The following TXLNB variants were observed in gnomAD, a reference collection of about 807,000 sequenced individuals.
The protein encoded by TXLNB is taxilin beta.
In TXLNB, 37 loss-of-function variants were observed where a neutral mutation model predicts 57.4. The observed-to-expected ratio is 0.64, with a 90% CI of 0.50 to 0.85. The LOEUF (loss-of-function observed/expected upper bound fraction) is 0.85. Ranked by LOEUF, TXLNB falls within the 40% of genes least tolerant of loss-of-function variation. TXLNB has a pLI of 0.00. For missense variants in TXLNB, 848 were observed against 825.6 expected (o/e 1.03, Z -0.33); for synonymous variants, 302 against 309.6 (o/e 0.98, Z 0.26).
At chr6:139,297,011 C>G in the TXLNB span, among the ~76,000 whole-genome samples, 10 of 152,242 alleles carry the variant, frequency 6.6e-5, no homozygotes, top group East Asian at 1.9e-3. Flanking sequence ...CCTCAAATTC[C>G]TTAGTCTTTC....
At chr6:139,198,970 C>CATT in the TXLNB span, among the ~76,000 whole-genome samples, 610 of 144,868 alleles carry the variant, frequency 4.2e-3, 3 homozygotes, top group African/African-American at 0.015. Context: ...TTTCTTTCTT[C>CATT]CTTTTTTTTT....
intron 8 of TXLNB, 100 bp from the exon 9 acceptor site, chr6:139,244,790 C>A: frequency 4.0e-6 from 3 of 756,926 alleles, no homozygotes; most frequent in Non-Finnish European, 6.9e-6. Flanking sequence ...CTTTTGTTAC[C>A]AGATGCTGAA....
At chr6:139,167,826 C>A in the TXLNB span, among the ~76,000 whole-genome samples, 1 of 152,146 alleles carries the variant, frequency 6.6e-6, no homozygotes, top group Non-Finnish European at 1.5e-5. Context: ...AAAGCTCAGA[C>A]ATTAGCCCGG....
At chr6:139,285,770 C>T (rs1777158456) in intron 2 of TXLNB, among the ~76,000 whole-genome samples, 1 of 145,162 alleles carries the variant, frequency 6.9e-6, no homozygotes, top group Non-Finnish European at 1.5e-5. Flanking sequence ...ATGTTTGACT[C>T]CTCCATACCA....
the TXLNB span, chr6:139,203,755 G>T: frequency 6.6e-6 from 1 of 152,244 alleles, no homozygotes; most frequent in East Asian, 1.9e-4. Flanking sequence ...AGCTAAATGT[G>T]GTTGACAGAC....
chr6:139,316,895 GC>G, the TXLNB span, among the ~76,000 whole-genome samples: 1 of 152,194 alleles, frequency 6.6e-6, no homozygotes, highest in African/African-American at 2.4e-5. Context: ...GGCTCACAAG[GC>G]TGGGGAGGCA....
chr6:139,176,215 C>CT, the TXLNB span, among the ~76,000 whole-genome samples: 1 of 152,204 alleles, frequency 6.6e-6, no homozygotes, highest in Non-Finnish European at 1.5e-5. The surrounding 1 kb of genome is among the most constrained non-coding windows in gnomAD (Gnocchi z 4.5). Flanking sequence ...TAACCATGGT[C>CT]TTTGGCATGG....
the TXLNB span, among the ~76,000 whole-genome samples, chr6:139,205,268 C>T: frequency 6.6e-6 from 1 of 152,202 alleles, no homozygotes; most frequent in Non-Finnish European, 1.5e-5. Flanking sequence ...ACTGGGATTA[C>T]AGGCATGCAC....
the TXLNB span, among the ~76,000 whole-genome samples, chr6:139,227,364 A>T: frequency 2.6e-5 from 4 of 152,084 alleles, no homozygotes; most frequent in East Asian, 7.7e-4. Context: ...AAACAAAAAA[A>T]AAAACGACAG....
downstream of TXLNB, chr6:139,239,074 G>A (rs1775869232): frequency 6.6e-6 from 1 of 152,250 alleles, no homozygotes; most frequent in Non-Finnish European, 1.5e-5. This position sits in a 1 kb window ranked among gnomAD's most constrained non-coding sequence, Gnocchi z 4.7. Flanking sequence ...CAGTCTTACA[G>A]GCAGGTCTTA....
In TXLNB at chr6:139,243,021, G is replaced by A. The variant is rs200959785; in HGVS notation, c.1560C>T (p.Ser520=). The change falls in exon 10 of 10, where the codon TCC becomes TCT. Residue 520 remains serine (S), a synonymous_variant. Transcript: ENST00000358430. The part of the protein sequence containing the change: ...IHHPESTPHQ[S]KETQPEIGSS... ...TGCCTATTTCGGGTTGGGTTTCTTT[G>A]GACTGGTGCGGGGTTGACTCTGGAT... The A allele has an allele frequency of 2.5e-6, 4 of 1,614,138 alleles. No homozygotes were observed. In the South Asian group the frequency reaches 4.4e-5, roughly 18 times the overall value.
chr6:139,239,069 T>G (rs1775869130), downstream of TXLNB: 1 of 152,250 alleles, frequency 6.6e-6, no homozygotes, highest in Admixed American at 6.5e-5. This position sits in a 1 kb window ranked among gnomAD's most constrained non-coding sequence, Gnocchi z 4.7. Flanking sequence ...AAAATCAGTC[T>G]TACAGGCAGG....
the TXLNB span, among the ~76,000 whole-genome samples, chr6:139,169,231 AT>A: frequency 6.6e-6 from 1 of 151,516 alleles, no homozygotes. Flanking sequence ...CCCTTAGATT[AT>A]TTTTTTTGTT....
At position 139,288,552 on chromosome 6, in the gene TXLNB, A is replaced by G. The variant is rs748645789; in HGVS notation, c.348T>C (p.Ser116=). 4 of 1,614,054 alleles carry G rather than the reference A, an allele frequency of 2.5e-6. No individual in the cohort carries two copies. The change falls in exon 2 of 10, where the codon TCT becomes TCC. Residue 116 remains serine (S), a synonymous_variant. Transcript: ENST00000358430. ...TEEAGREPVA[S]GEPPTVKEPV... ...GCTCTTTGACAGTGGGTGGCTCTCC[A>G]GAAGCAACGGGTTCTCTTCCAGCCT...
At chr6:139,280,743 C>G (rs1381116861) in intron 2 of TXLNB, among the ~76,000 whole-genome samples, 1 of 152,180 alleles carries the variant, frequency 6.6e-6, no homozygotes, top group East Asian at 1.9e-4. Flanking sequence ...CTCTAACCAC[C>G]TTCCTGATTT....
chr6:139,250,757 G>A (rs1328249894), intron 7 of TXLNB, among the ~76,000 whole-genome samples: 1 of 152,158 alleles, frequency 6.6e-6, no homozygotes, highest in Non-Finnish European at 1.5e-5. Context: ...AGACGGGGCA[G>A]GAGTGAGCAC....
chr6:139,161,210 C>T, the TXLNB span, among the ~76,000 whole-genome samples: 5 of 152,150 alleles, frequency 3.3e-5, no homozygotes, highest in African/African-American at 1.2e-4. Context: ...CCCCATTTTG[C>T]CTGTCTCCCT....
the TXLNB span, among the ~76,000 whole-genome samples, chr6:139,216,098 A>C: frequency 6.6e-6 from 1 of 152,290 alleles, no homozygotes; most frequent in African/African-American, 2.4e-5. Flanking sequence ...TAGAAATATC[A>C]TTTGACCCAG....
chr6:139,243,793 T>C (rs775847550), intron 9 of TXLNB, among the ~76,000 whole-genome samples: 1 of 152,218 alleles, frequency 6.6e-6, no homozygotes, highest in Non-Finnish European at 1.5e-5. Flanking sequence ...AATATCTCTT[T>C]GGAATTGGTT....
Sources: gnomAD v4.1 joint callset for allele counts (sites outside exome capture counted in the v4.1 genomes callset) on GRCh38, gnomAD v4.1.1 for gene constraint, Gnocchi (gnomAD v3.1) non-coding constraint, MANE v1.5 for transcripts, NCBI Gene and HGNC (gene_info 2026-07-23, HGNC 2026-07-21) for gene names.